Variants in MANBAL observed in about 807,000 individuals in gnomAD.
MANBAL encodes the protein mannosidase beta like.
Under a neutral mutation model 6.4 loss-of-function variants are expected in MANBAL, and 1 was observed. That is an observed-to-expected ratio of 0.16 (90% CI 0.06 to 0.74). The LOEUF is 0.74. Ranked by LOEUF, MANBAL falls within the 30% of genes least tolerant of loss-of-function variation. The probability of loss-of-function intolerance (pLI) is 0.78; values close to 1 mark genes in which losing one functional copy is unlikely to be tolerated. For synonymous variants in MANBAL, 47 were observed against 45.8 expected, an observed-to-expected ratio of 1.03 and a Z score of -0.10; for missense variants, 100 against 107.8, an observed-to-expected ratio of 0.93 and a Z score of 0.32.
intron 1 of MANBAL, chr20:37,298,851 C>G (rs1349830170): frequency 1.3e-5 from 2 of 152,050 alleles, no homozygotes; most frequent in African/African-American, 4.8e-5. Context: ...ATTCTCCTGC[C>G]TCAGCCTTCT....
At position 37,301,366 on chromosome 20, in the gene MANBAL, A is replaced by C. The variant is rs2069131595; in HGVS notation, c.103A>C (p.Ile35Leu). 6.2e-7 allele frequency: 1 copy of C among 1,613,636 alleles called. No homozygotes were observed. Among genetic ancestry groups the C allele is most frequent in the African/African-American group, 1.3e-5 (1 of 74,870 alleles). ...GLFLGAIFQL[I>L]CVLAIIVPIP... Reference sequence around the variant, plus strand: ...CTTCCTGGGAGCCATCTTCCAGCTCATCTGTGTGCTGGCCATCATCGTACC... The same window carrying C: ...CTTCCTGGGAGCCATCTTCCAGCTCCTCTGTGTGCTGGCCATCATCGTACC... The change falls in exon 2 of 3, where the codon ATC (isoleucine) becomes CTC (leucine). Residue 35 changes from isoleucine to leucine, a missense_variant. Physicochemically the swap from Ile to Leu is conservative, Grantham distance 5. Coordinates refer to ENST00000373606, the MANE Select transcript of MANBAL (RefSeq NM_001003897.2).
At chr20:37,302,349 A>G (rs1467459374) in intron 2 of MANBAL, 58 of 1,550,380 alleles carry the variant, frequency 3.7e-5, no homozygotes, top group East Asian at 9.8e-5. Context: ...AGCTGGTGCT[A>G]TGTACTCCCT....
chr20:37,299,792 A>G (rs895227043), intron 1 of MANBAL, among the ~76,000 whole-genome samples: 1 of 152,238 alleles, frequency 6.6e-6, no homozygotes, highest in Non-Finnish European at 1.5e-5. Context: ...GGCTTTGTCA[A>G]GCAGTCACAG....
rs370953428 is a variant in MANBAL at position 37,293,410 on chromosome 20, G to A, written c.-57+3724G>A. ...ACATGCACAGTTCACAATAGGGTTC[G>A]TGTTTCTATGAGAATCTAATGCAGC... On this transcript the variant is annotated intron_variant, in intron 1 of 2. Coordinates refer to ENST00000373606, the MANE Select transcript of MANBAL (RefSeq NM_001003897.2). 3.9e-5 allele frequency among the ~76,000 whole-genome samples: 6 copies of A among 152,246 alleles called. No homozygotes were observed. In the South Asian group the frequency reaches 6.2e-4, roughly 16 times the overall value.
intron 2 of MANBAL, among the ~76,000 whole-genome samples, chr20:37,313,106 C>T (rs919876963): frequency 2.5e-4 from 38 of 152,282 alleles, no homozygotes; most frequent in South Asian, 6.2e-4. Context: ...TGGCTGGGCG[C>T]GGTGGCTCAC....
chr20:37,301,454 G>GT (rs754557346), intron 2 of MANBAL, 41 bp downstream of exon 2: 1 of 1,604,768 alleles, frequency 6.2e-7, no homozygotes, highest in Non-Finnish European at 8.5e-7. Flanking sequence ...CTGAGTGCCA[G>GT]GCTGGGTTCT....
intron 2 of MANBAL, among the ~76,000 whole-genome samples, chr20:37,315,728 C>G (rs951142354): frequency 2.6e-5 from 4 of 152,226 alleles, no homozygotes; most frequent in Non-Finnish European, 5.9e-5. Context: ...GTGGGACTGC[C>G]CACCTGCCGG....
At position 37,307,962 on chromosome 20, in the gene MANBAL, G is replaced by A. The variant is rs143423031; in HGVS notation, c.150+6549G>A. 1.2e-3 allele frequency among the ~76,000 whole-genome samples: 182 copies of A among 152,284 alleles called. 1 individual carries two copies. Among genetic ancestry groups the A allele is most frequent in the African/African-American group, 4.3e-3 (177 of 41,542 alleles). On this transcript the variant is annotated intron_variant, in intron 2 of 2. Transcript: ENST00000373606. ...GAACCCAAGAGCAGGAGCGCCGCAGGGCCTCCGGAAGTGGTGGGAACTGGG... is the reference window on the plus strand; with the variant it reads ...GAACCCAAGAGCAGGAGCGCCGCAGAGCCTCCGGAAGTGGTGGGAACTGGG...
At chr20:37,315,502 C>T (rs1358791827) in intron 2 of MANBAL, among the ~76,000 whole-genome samples, 1 of 152,226 alleles carries the variant, frequency 6.6e-6, no homozygotes, top group Non-Finnish European at 1.5e-5. Flanking sequence ...CTTATCAGCA[C>T]AATGAACGCC....
chr20:37,315,488 C>A (rs573504548), intron 2 of MANBAL, among the ~76,000 whole-genome samples: 1 of 152,244 alleles, frequency 6.6e-6, no homozygotes, highest in Admixed American at 6.5e-5. Context: ...TGGAGTCTCC[C>A]TTCCTTATCA....
chr20:37,316,258 C>T (rs376194565), intron 2 of MANBAL, 50 bp from the exon 3 acceptor site: 124 of 1,529,740 alleles, frequency 8.1e-5, no homozygotes, highest in African/African-American at 4.1e-4. Context: ...CTTTTGCTGG[C>T]GTCAGGCTTG....
chr20:37,316,638 G>A lies in MANBAL; in HGVS notation c.*223G>A. On this transcript the variant is annotated 3_prime_UTR_variant, in exon 3 of 3. Transcript: ENST00000373606. ...TCTGTGACGGTTTAGAGTCAAGGGG[G>A]CTGAAACACACTGTGAGCATAGACT... 2.3e-6 allele frequency: 1 copy of A among 437,864 alleles called. No homozygotes were observed. The highest frequency in any genetic ancestry group is 4.2e-6 in the Non-Finnish European group (1 of 237,674). 27.1% of individuals were successfully genotyped at this position (437,864 alleles called of 1,614,324 possible). A position where few individuals can be genotyped will look rare whatever the true frequency, so the allele number is the denominator to read the frequency against.
In MANBAL at chr20:37,304,348, A is replaced by G. The variant is rs189048636; in HGVS notation, c.150+2935A>G. ...TTATATACAATATTTCTCAAAGTCA[A>G]AACTATATAACAAGGTACATTTACA... On this transcript the variant is annotated intron_variant, in intron 2 of 2. Coordinates refer to ENST00000373606, the MANE Select transcript of MANBAL (RefSeq NM_001003897.2). Among the ~76,000 whole-genome samples the G allele has an allele frequency of 1.1e-4, 16 of 152,340 alleles. No individual in the cohort carries two copies. The East Asian group carries it at 3.1e-3, about 29-fold the overall frequency.
chr20:37,291,798 ACT>A (rs1411827125), intron 1 of MANBAL, among the ~76,000 whole-genome samples: 3 of 151,590 alleles, frequency 2.0e-5, no homozygotes, highest in Non-Finnish European at 4.4e-5. Context: ...CCCTGCACAC[ACT>A]CTCTTGCCTG....
rs535565263 is a variant in MANBAL, at chr20:37,295,863, T to C, written c.-56-5345T>C. Reference sequence around the variant, plus strand: ...CACAGCCAGTCGAAGGGGTGTCTCCTAGTTGAGATCTGCAGGATGAATAGG... The same window carrying C: ...CACAGCCAGTCGAAGGGGTGTCTCCCAGTTGAGATCTGCAGGATGAATAGG... On this transcript the variant is annotated intron_variant, in intron 1 of 2. Coordinates refer to ENST00000373606, the MANE Select transcript of MANBAL (RefSeq NM_001003897.2). Among the ~76,000 whole-genome samples the C allele has an allele frequency of 8.5e-5, 13 of 152,286 alleles. No homozygotes were observed. In the East Asian group the frequency reaches 2.5e-3, roughly 29 times the overall value.
At chr20:37,292,378 T>G (rs1192954891) in intron 1 of MANBAL, among the ~76,000 whole-genome samples, 1 of 152,200 alleles carries the variant, frequency 6.6e-6, no homozygotes, top group Non-Finnish European at 1.5e-5. Flanking sequence ...CTTGGCTCAC[T>G]GCAACCTCCA....
In MANBAL at chr20:37,316,325, G is replaced by A. The variant is rs1413175939; in HGVS notation, c.168G>A (p.Glu56=). ...CCTCACAGGAGGCTGAACCGTCTGA[G>A]CCCAGAAGTGCTGAGGTGACGAGGA... ...KSHEAEAEPS[E]PRSAEVTRKP... is the part of the protein sequence containing the mutation. The change falls in exon 3 of 3, where the codon GAG becomes GAA. Residue 56 remains glutamate (E), a synonymous_variant. Transcript: ENST00000373606. 1 of 1,613,566 alleles carries A rather than the reference G, an allele frequency of 6.2e-7. No individual in the cohort carries two copies. Among genetic ancestry groups the A allele is most frequent in the Non-Finnish European group, 8.5e-7 (1 of 1,179,840 alleles).
rs564437517 is a variant in MANBAL at position 37,302,351 on chromosome 20, G to A, written c.150+938G>A. 3.7e-5 allele frequency: 58 copies of A among 1,550,266 alleles called. No homozygotes were observed. In the Middle Eastern group the frequency reaches 1.0e-3, roughly 27 times the overall value. ...ACGAATACCTCAGAGCTGGTGCTATGTACTCCCTACTGTGTGGCATCAACA... is the reference window on the plus strand; with the variant it reads ...ACGAATACCTCAGAGCTGGTGCTATATACTCCCTACTGTGTGGCATCAACA... On this transcript the variant is annotated intron_variant, in intron 2 of 2. Coordinates refer to ENST00000373606, the MANE Select transcript of MANBAL (RefSeq NM_001003897.2).
chr20:37,292,394 C>T (rs1202107969), intron 1 of MANBAL, among the ~76,000 whole-genome samples: 3 of 152,080 alleles, frequency 2.0e-5, no homozygotes, highest in Admixed American at 6.6e-5. Context: ...CTCCACCTCC[C>T]GGGTTTAAGT....
Sources: gnomAD v4.1 joint callset for allele counts (sites outside exome capture counted in the v4.1 genomes callset) on GRCh38, gnomAD v4.1.1 for gene constraint, MANE v1.5 for transcripts, NCBI Gene and HGNC (gene_info 2026-07-23, HGNC 2026-07-21) for gene names.